BRWD1: variants seen among roughly 807,000 people sequenced by gnomAD.
The protein encoded by BRWD1 is bromodomain and WD repeat domain containing 1, also known as bromodomain and WD repeat-containing protein 1.
In BRWD1, 82 loss-of-function variants were observed where a neutral mutation model predicts 251.2. The ratio of observed to expected loss-of-function variants is 0.33; its 90% CI spans 0.27 to 0.39. The LOEUF (loss-of-function observed/expected upper bound fraction) is 0.39. BRWD1 is among the 10% of genes least tolerant of loss of function. BRWD1 has a pLI of 1.00. For missense variants in BRWD1, 2,233 were observed against 2,711.6 expected, an observed-to-expected ratio of 0.82 and a Z score of 3.92; for synonymous variants, 918 against 902.8, an observed-to-expected ratio of 1.02 and a Z score of -0.30.
intron 15 of BRWD1, among the ~76,000 whole-genome samples, chr21:39,268,981 CTG>C (rs1222118618): frequency 6.6e-6 from 1 of 151,928 alleles, no homozygotes; most frequent in Non-Finnish European, 1.5e-5. Context: ...GAGCGAGACT[CTG>C]TCTCAAAAAG....
chr21:39,267,491 T>C (rs979973786), intron 15 of BRWD1, among the ~76,000 whole-genome samples: 1 of 151,978 alleles, frequency 6.6e-6, no homozygotes, highest in African/African-American at 2.4e-5. Context: ...CCCAGCTACT[T>C]GAGAGGCTGA....
chr21:39,315,164 T>G (rs763428032), upstream of BRWD1, among the ~76,000 whole-genome samples: 1 of 151,862 alleles, frequency 6.6e-6, no homozygotes, highest in Non-Finnish European at 1.5e-5. Context: ...GTCCGGCTAA[T>G]TTTTATATTT....
At chr21:39,293,408 G>A (rs1057462231) in intron 8 of BRWD1, among the ~76,000 whole-genome samples, 3 of 151,388 alleles carry the variant, frequency 2.0e-5, no homozygotes, top group East Asian at 1.9e-4. Context: ...CACAAGAATC[G>A]CTTGAACCCA....
rs772821238 is a variant in BRWD1 at position 39,238,473 on chromosome 21, A to C, written c.2576+6T>G. ...CTTAAAAGACCACAACAATAAAAAC[A>C]GATACCTTGAACTTTCGCTGTAACT... is the stretch of plus-strand genomic sequence containing the variant. On this transcript the variant is annotated splice_donor_region_variant and intron_variant, in intron 22 of 40. Transcript: ENST00000342449. 6.2e-7 allele frequency: 1 copy of C among 1,605,370 alleles called. No individual in the cohort carries two copies. The highest frequency in any genetic ancestry group is 8.5e-7 in the Non-Finnish European group (1 of 1,172,304).
At chr21:39,319,503 A>T (rs1402435599) in intron 1 of BRWD1, among the ~76,000 whole-genome samples, 1 of 152,242 alleles carries the variant, frequency 6.6e-6, no homozygotes, top group Non-Finnish European at 1.5e-5. Flanking sequence ...TGGATGTCGG[A>T]GTTGGGCAAC....
At chr21:39,298,811 A>G (rs1379314220) in intron 4 of BRWD1, among the ~76,000 whole-genome samples, 1 of 152,174 alleles carries the variant, frequency 6.6e-6, no homozygotes, top group Non-Finnish European at 1.5e-5. Flanking sequence ...GTAGAAATTG[A>G]CAATTTTGTT....
intron 23 of BRWD1, among the ~76,000 whole-genome samples, chr21:39,233,680 T>C (rs1329546393): frequency 6.6e-6 from 1 of 152,252 alleles, no homozygotes; most frequent in Non-Finnish European, 1.5e-5. Context: ...AAGGTTTAAC[T>C]GTCAAGCCCA....
At chr21:39,287,471 T>C (rs763376829) in intron 8 of BRWD1, among the ~76,000 whole-genome samples, 10 of 152,234 alleles carry the variant, frequency 6.6e-5, no homozygotes, top group Non-Finnish European at 1.5e-4. Context: ...ACAATGCATT[T>C]CATAGTTACA....
At chr21:39,238,336 G>T (rs1601353213) in intron 22 of BRWD1, 143 bp downstream of exon 22, 2 of 542,486 alleles carry the variant, frequency 3.7e-6, no homozygotes, top group African/African-American at 2.0e-5. Context: ...AACAGCTGTT[G>T]GATCTAGTTT....
chr21:39,219,931 A>C (rs2033106025), intron 29 of BRWD1: 1 of 152,196 alleles, frequency 6.6e-6, no homozygotes, highest in South Asian at 2.1e-4. Context: ...ATAAGCCAAA[A>C]TGTGTATTTT....
At chr21:39,201,408 G>C (rs1195630440) in intron 38 of BRWD1, among the ~76,000 whole-genome samples, 1 of 152,098 alleles carries the variant, frequency 6.6e-6, no homozygotes, top group Non-Finnish European at 1.5e-5. Flanking sequence ...ACTCAATAAG[G>C]AACCCAGTTC....
At chr21:39,278,145 T>C (rs1347478347) in intron 10 of BRWD1, among the ~76,000 whole-genome samples, 2 of 152,296 alleles carry the variant, frequency 1.3e-5, no homozygotes, top group South Asian at 2.1e-4. Flanking sequence ...TCACTGTGCC[T>C]GGCCTCCCCA....
intron 13 of BRWD1, among the ~76,000 whole-genome samples, chr21:39,272,753 G>A (rs968117487): frequency 1.3e-5 from 2 of 151,736 alleles, no homozygotes; most frequent in South Asian, 2.1e-4. Context: ...GATTACAGGC[G>A]CATGCCACCA....
Position 39,187,890 on chromosome 21 carries a change from A to C in BRWD1, c.*8369T>G. ...CAGACTGGAAACCTAACCTAGCCTA[A>C]GGGATCAAGGAAGGCTTCCTTTAAG... On this transcript the variant is annotated 3_prime_UTR_variant, in exon 41 of 41. Coordinates refer to ENST00000342449, the MANE Select transcript of BRWD1 (RefSeq NM_033656.4). 1 of 979,948 alleles carries C rather than the reference A, an allele frequency of 1.0e-6. No individual in the cohort carries two copies. Among genetic ancestry groups the C allele is most frequent in the Non-Finnish European group, 1.2e-6 (1 of 824,900 alleles). 60.7% of individuals were successfully genotyped at this position (979,948 alleles called of 1,614,324 possible).
intron 23 of BRWD1, among the ~76,000 whole-genome samples, chr21:39,233,910 C>T (rs1434133655): frequency 6.6e-6 from 1 of 152,146 alleles, no homozygotes; most frequent in African/African-American, 2.4e-5. Flanking sequence ...GTCCCAGCTA[C>T]TTGGGAGGCT....
rs1480107387 is a variant in BRWD1 at position 39,187,681 on chromosome 21, A to G, written c.*8578T>C. Reference sequence around the variant, plus strand: ...GAAAAGTTCCTTCAGCATCGGCATCATAAAGCTGCTAATCTAAAAACATAT... The same window carrying G: ...GAAAAGTTCCTTCAGCATCGGCATCGTAAAGCTGCTAATCTAAAAACATAT... On this transcript the variant is annotated 3_prime_UTR_variant, in exon 41 of 41. Transcript: ENST00000342449. The G allele has an allele frequency of 2.0e-6, 2 of 985,414 alleles. No homozygotes were observed. Among genetic ancestry groups the G allele is most frequent in the Non-Finnish European group, 2.4e-6 (2 of 829,884 alleles). The allele number at this position is 985,414 out of a possible 1,614,324, so 61.0% of individuals were successfully genotyped here.
Position 39,312,730 on chromosome 21 carries a change from C to T in BRWD1, c.198+111G>A, listed in dbSNP as rs1430435695. ...ACGCAGCTATCCCCGGGCCGCCCCC[C>T]AGTGCGGGTCACACTTTGCACCCCA... is the stretch of plus-strand genomic sequence containing the variant. On this transcript the variant is annotated intron_variant, in intron 4 of 40. Coordinates refer to ENST00000342449, the MANE Select transcript of BRWD1 (RefSeq NM_033656.4). 5.8e-6 allele frequency: 4 copies of T among 694,362 alleles called. No individual in the cohort carries two copies. In the Admixed American group the frequency reaches 1.2e-4, roughly 20 times the overall value. 43.0% of individuals were successfully genotyped at this position (694,362 alleles called of 1,614,324 possible).
intron 31 of BRWD1, among the ~76,000 whole-genome samples, chr21:39,216,056 A>G (rs1374652684): frequency 1.3e-5 from 2 of 152,194 alleles, no homozygotes; most frequent in African/African-American, 2.4e-5. Flanking sequence ...TAAACAATCA[A>G]GTGGTTTCTG....
chr21:39,185,295 T>TAAAAAAA (rs10525862), downstream of BRWD1: 113 of 71,810 alleles, frequency 1.6e-3, 4 homozygotes, highest in African/African-American at 4.7e-3. Flanking sequence ...CTGAAATTGC[T>TAAAAAAA]AAAAAAAAAA....
Sources: gnomAD v4.1 joint callset for allele counts (sites outside exome capture counted in the v4.1 genomes callset) on GRCh38, gnomAD v4.1.1 for gene constraint, MANE v1.5 for transcripts, NCBI Gene and HGNC (gene_info 2026-07-23, HGNC 2026-07-21) for gene names.